The following MYLK4 variants were observed in gnomAD, a reference collection of about 807,000 sequenced individuals.
The protein encoded by MYLK4 is caMLCK like.
In MYLK4, 46 loss-of-function variants were observed where a neutral mutation model predicts 48.1. That is an observed-to-expected ratio of 0.96 (90% CI 0.75 to 1.22). The LOEUF (loss-of-function observed/expected upper bound fraction) is 1.22. MYLK4 is among the 50% of genes most tolerant of loss of function. The probability of loss-of-function intolerance (pLI) is 0.00; values close to 1 mark genes in which losing one functional copy is unlikely to be tolerated. For synonymous variants in MYLK4, 170 were observed against 180.8 expected (o/e 0.94, Z 0.48); for missense variants, 451 against 486.1 (o/e 0.93, Z 0.68).
chr6:2,692,970 G>T, intron 2 of MYLK4, 111 bp from the exon 3 acceptor site: 1 of 979,916 alleles, frequency 1.0e-6, no homozygotes, highest in Non-Finnish European at 1.5e-6. Context: ...AATGTCACGA[G>T]CATTACAGGA....
At chr6:2,701,542 A>G (rs944784903) in intron 2 of MYLK4, among the ~76,000 whole-genome samples, 2 of 152,244 alleles carry the variant, frequency 1.3e-5, no homozygotes, top group Admixed American at 1.3e-4. Context: ...CTGCAAAGCA[A>G]AGTGACTTTT....
chr6:2,688,486 C>G (rs1056227173), intron 4 of MYLK4, among the ~76,000 whole-genome samples: 2 of 152,266 alleles, frequency 1.3e-5, no homozygotes, highest in Non-Finnish European at 2.9e-5. Flanking sequence ...GAAAAACCAG[C>G]AGCAATGACA....
At chr6:2,762,856 G>C in the MYLK4 span, among the ~76,000 whole-genome samples, 2 of 152,196 alleles carry the variant, frequency 1.3e-5, no homozygotes, top group African/African-American at 4.8e-5. Context: ...GTTCCTGCCA[G>C]TGGGTTCAGT....
At chr6:2,706,833 C>T (rs1277760695) in intron 2 of MYLK4, among the ~76,000 whole-genome samples, 1 of 152,176 alleles carries the variant, frequency 6.6e-6, no homozygotes, top group Admixed American at 6.5e-5. Flanking sequence ...ATGCCTACGA[C>T]GAGGTGACAG....
chr6:2,742,067 T>C (rs1028792276), intron 2 of MYLK4, among the ~76,000 whole-genome samples: 9 of 150,786 alleles, frequency 6.0e-5, no homozygotes, highest in African/African-American at 1.7e-4. Flanking sequence ...AGAATTATAA[T>C]GTTTTATGAT....
At chr6:2,676,091 CAA>C (rs34207127) in intron 10 of MYLK4, among the ~76,000 whole-genome samples, 4,554 of 128,236 alleles carry the variant, frequency 0.036, 200 homozygotes, top group African/African-American at 0.12. Context: ...GATTCTGTCT[CAA>C]AAAAAAAAAA....
At chr6:2,724,746 A>G (rs935893500) in intron 2 of MYLK4, among the ~76,000 whole-genome samples, 8 of 152,234 alleles carry the variant, frequency 5.3e-5, no homozygotes, top group Non-Finnish European at 7.3e-5. Flanking sequence ...ATAGCACAGC[A>G]ACACACAAAT....
rs1372302213 is a variant in MYLK4 at position 2,672,365 on chromosome 6, A to C, written c.1120-1017T>G. 1.3e-5 allele frequency among the ~76,000 whole-genome samples: 2 copies of C among 152,146 alleles called. No individual in the cohort carries two copies. Among genetic ancestry groups the C allele is most frequent in the African/African-American group, 4.8e-5 (2 of 41,428 alleles). On this transcript the variant is annotated intron_variant, in intron 11 of 12. Coordinates refer to ENST00000274643, the MANE Select transcript of MYLK4 (RefSeq NM_001012418.5). This position sits in a 1 kb window ranked among gnomAD's most constrained non-coding sequence, Gnocchi z 4.3. ...CGTAAGAAAGGCTGCAAACCATCGC[A>C]TGTCACCTTGAGCATAATACAGAGG...
In MYLK4 at chr6:2,666,211, T is replaced by A. The variant is rs934181128; in HGVS notation, c.*1714A>T. On this transcript the variant is annotated 3_prime_UTR_variant, in exon 13 of 13. Coordinates refer to ENST00000274643, the MANE Select transcript of MYLK4 (RefSeq NM_001012418.5). ...CACATTCACGGCATGCTGTAAGGAT[T>A]CCTTAAGTGGATCTGAGAGATAATG... 4 of 152,180 alleles carry A rather than the reference T, an allele frequency of 2.6e-5. No individual in the cohort carries two copies. The highest frequency in any genetic ancestry group is 2.6e-4 in the Admixed American group (4 of 15,278). The allele number at this position is 152,180 out of a possible 1,614,324, so 9.4% of individuals were successfully genotyped here. A position where few individuals can be genotyped will look rare whatever the true frequency, so the allele number is the denominator to read the frequency against.
chr6:2,669,483 C>T (rs751790863), intron 12 of MYLK4, among the ~76,000 whole-genome samples: 12 of 152,220 alleles, frequency 7.9e-5, no homozygotes, highest in Middle Eastern at 3.2e-3. Context: ...ACCCTGGCAC[C>T]CAGTGAATTC....
At chr6:2,767,953 C>T in the MYLK4 span, among the ~76,000 whole-genome samples, 1 of 152,180 alleles carries the variant, frequency 6.6e-6, no homozygotes, top group African/African-American at 2.4e-5. Context: ...TACCACCTTT[C>T]CATTTAGGTG....
At chr6:2,705,914 C>T (rs72831545) in intron 2 of MYLK4, among the ~76,000 whole-genome samples, 14,696 of 81,996 alleles carry the variant, frequency 0.18, 785 homozygotes, top group Non-Finnish European at 0.21. Context: ...CATTTGAATT[C>T]GGGGGAAAAA....
At chr6:2,725,545 A>T (rs183278158) in intron 2 of MYLK4, among the ~76,000 whole-genome samples, 1 of 141,752 alleles carries the variant, frequency 7.1e-6, no homozygotes, top group African/African-American at 2.6e-5. Context: ...CAAAGAAAGA[A>T]ACAAAGAAAC....
the MYLK4 span, chr6:2,765,658 T>G: frequency 6.5e-7 from 1 of 1,546,326 alleles, no homozygotes; most frequent in African/African-American, 1.4e-5. Context: ...ACCCCTTCCT[T>G]TCGCAGCTGC....
At chr6:2,762,484 T>C in the MYLK4 span, among the ~76,000 whole-genome samples, 1 of 152,184 alleles carries the variant, frequency 6.6e-6, no homozygotes, top group African/African-American at 2.4e-5. Context: ...TTTGGATGGG[T>C]TAATTGATCA....
upstream of MYLK4, among the ~76,000 whole-genome samples, chr6:2,753,440 C>T (rs1227430863): frequency 6.6e-6 from 1 of 152,222 alleles, no homozygotes; most frequent in Non-Finnish European, 1.5e-5. Flanking sequence ...ATCCCTGTTA[C>T]CCACATTACA....
chr6:2,692,772 T>C lies in MYLK4; in HGVS notation c.235+12A>G. 6.2e-7 allele frequency: 1 copy of C among 1,612,634 alleles called. No individual in the cohort carries two copies. Among genetic ancestry groups the C allele is most frequent in the Non-Finnish European group, 8.5e-7 (1 of 1,179,320 alleles). ...CTTCATCCATAACTATCTACTTTTCTAAAGATGTTACCTGCGAGGGCTGAT... is the reference window on the plus strand; with the variant it reads ...CTTCATCCATAACTATCTACTTTTCCAAAGATGTTACCTGCGAGGGCTGAT... On this transcript the variant is annotated intron_variant, in intron 3 of 12. Transcript: ENST00000274643.
rs983918728 is a variant in MYLK4, at chr6:2,736,337, C to A, written c.159+12799G>T. ...TGGCGCGATCTCGGCTCACTGCAAC[C>A]TCCGCCTCCCAGGTTCAAGCAAATC... On this transcript the variant is annotated intron_variant, in intron 2 of 12. Coordinates refer to ENST00000274643, the MANE Select transcript of MYLK4 (RefSeq NM_001012418.5). Among the ~76,000 whole-genome samples the A allele has an allele frequency of 5.9e-5, 9 of 152,264 alleles. No homozygotes were observed. The East Asian group carries it at 1.7e-3, about 29-fold the overall frequency.
At chr6:2,733,511 C>T (rs1266184374) in intron 2 of MYLK4, among the ~76,000 whole-genome samples, 1 of 152,102 alleles carries the variant, frequency 6.6e-6, no homozygotes, top group Non-Finnish European at 1.5e-5. Flanking sequence ...AGGAGGTGTG[C>T]GTCATCAGCC....
Sources: gnomAD v4.1 joint callset for allele counts (sites outside exome capture counted in the v4.1 genomes callset) on GRCh38, gnomAD v4.1.1 for gene constraint, Gnocchi (gnomAD v3.1) non-coding constraint, MANE v1.5 for transcripts, NCBI Gene and HGNC (gene_info 2026-07-23, HGNC 2026-07-21) for gene names.